PRELID2: variants seen among roughly 807,000 people sequenced by gnomAD.
PRELID2 encodes the protein PRELI domain-containing protein 2.
In PRELID2, 25 loss-of-function variants were observed where a neutral mutation model predicts 28.4. The ratio of observed to expected loss-of-function variants is 0.88; its 90% CI spans 0.64 to 1.23. The LOEUF is 1.23. Ranked by LOEUF, PRELID2 falls within the 50% of genes most tolerant of loss-of-function variation. The pLI is 0.00. For synonymous variants in PRELID2, 76 were observed against 71.6 expected (o/e 1.06, Z -0.31); for missense variants, 201 against 214.4 (o/e 0.94, Z 0.39).
At chr5:145,349,797 C>T in the PRELID2 span, among the ~76,000 whole-genome samples, 1 of 152,070 alleles carries the variant, frequency 6.6e-6, no homozygotes, top group Non-Finnish European at 1.5e-5. Context: ...AATCACAGGG[C>T]CATTAATGTA....
At chr5:145,614,361 T>C (rs955804914) in intron 1 of PRELID2, among the ~76,000 whole-genome samples, 1 of 152,186 alleles carries the variant, frequency 6.6e-6, no homozygotes, top group Non-Finnish European at 1.5e-5. Context: ...TGAAGAGTGA[T>C]GGTGGTATTT....
At chr5:145,559,745 C>T (rs923934145) in intron 1 of PRELID2, among the ~76,000 whole-genome samples, 5 of 151,560 alleles carry the variant, frequency 3.3e-5, no homozygotes, top group African/African-American at 1.2e-4. Flanking sequence ...TCTGCATCAC[C>T]AACCCCAAAA....
the PRELID2 span, among the ~76,000 whole-genome samples, chr5:145,279,806 T>A: frequency 1.3e-5 from 2 of 151,742 alleles, no homozygotes; most frequent in Non-Finnish European, 2.9e-5. Context: ...GATTTTTTTT[T>A]AATGGAACAA....
intron 1 of PRELID2, among the ~76,000 whole-genome samples, chr5:145,572,712 A>T (rs772189524): frequency 2.6e-5 from 4 of 152,160 alleles, no homozygotes; most frequent in Non-Finnish European, 4.4e-5. Flanking sequence ...GGAAGGATGC[A>T]GTCCATCCCT....
Position 145,758,770 on chromosome 5 carries a change from T to G in PRELID2, c.*1766A>C, listed in dbSNP as rs904472143. Among the ~76,000 whole-genome samples, 1 of 152,166 alleles carries G rather than the reference T, an allele frequency of 6.6e-6. No individual in the cohort carries two copies. Among genetic ancestry groups the G allele is most frequent in the African/African-American group, 2.4e-5 (1 of 41,446 alleles). Reference sequence around the variant, plus strand: ...GTGTGTTTTAGTTTCTACCATTATTTTTCCCTCCAACACAATTGAAGAATG... The same window carrying G: ...GTGTGTTTTAGTTTCTACCATTATTGTTCCCTCCAACACAATTGAAGAATG... On this transcript the variant is annotated 3_prime_UTR_variant, in exon 7 of 7. Coordinates refer to ENST00000683046, the MANE Select transcript of PRELID2 (RefSeq NM_205846.3).
intron 1 of PRELID2, among the ~76,000 whole-genome samples, chr5:145,639,331 A>C (rs1186313951): frequency 6.6e-6 from 1 of 152,186 alleles, no homozygotes; most frequent in Non-Finnish European, 1.5e-5. Context: ...CTAAGAAGAA[A>C]GAACACAGCT....
At chr5:145,555,532 A>G (rs1406718063) in intron 1 of PRELID2, among the ~76,000 whole-genome samples, 4 of 152,128 alleles carry the variant, frequency 2.6e-5, no homozygotes, top group Non-Finnish European at 5.9e-5. Flanking sequence ...TAACCCCTAG[A>G]TTTGGGGTAG....
At chr5:145,790,671 T>C (rs1030602542) in intron 5 of PRELID2, among the ~76,000 whole-genome samples, 2 of 148,958 alleles carry the variant, frequency 1.3e-5, no homozygotes, top group Admixed American at 6.7e-5. Context: ...GTGATAGATA[T>C]TTTAATAAGC....
chr5:145,467,586 T>C (rs538137343), downstream of PRELID2, among the ~76,000 whole-genome samples: 4 of 152,258 alleles, frequency 2.6e-5, no homozygotes, highest in South Asian at 4.1e-4. Context: ...CAAAGTACTT[T>C]ACATACATTT....
At chr5:145,712,443 T>C (rs1283931895) in intron 1 of PRELID2, among the ~76,000 whole-genome samples, 1 of 152,170 alleles carries the variant, frequency 6.6e-6, no homozygotes, top group African/African-American at 2.4e-5. Context: ...AATCAGCAAA[T>C]GCTGTAAGCC....
chr5:145,659,643 A>G (rs1349015891), intron 1 of PRELID2, among the ~76,000 whole-genome samples: 1 of 152,128 alleles, frequency 6.6e-6, no homozygotes, highest in Admixed American at 6.5e-5. Flanking sequence ...TCCTTCTTTG[A>G]ATTGCTTCCG....
intron 1 of PRELID2, among the ~76,000 whole-genome samples, chr5:145,553,266 C>G (rs1320985409): frequency 6.6e-6 from 1 of 150,400 alleles, no homozygotes; most frequent in Non-Finnish European, 1.5e-5. Flanking sequence ...TAAGCAGAAC[C>G]TTCAAGTACA....
intron 1 of PRELID2, among the ~76,000 whole-genome samples, chr5:145,826,866 A>G (rs1008463523): frequency 1.3e-5 from 2 of 152,228 alleles, no homozygotes; most frequent in Non-Finnish European, 2.9e-5. Flanking sequence ...GGAAAAAAAA[A>G]CCCATAAGCT....
At chr5:145,351,777 G>C in the PRELID2 span, among the ~76,000 whole-genome samples, 1 of 152,122 alleles carries the variant, frequency 6.6e-6, no homozygotes, top group African/African-American at 2.4e-5. Flanking sequence ...TTACTTCCTA[G>C]ATACAATACA....
chr5:145,340,445 A>T, the PRELID2 span, among the ~76,000 whole-genome samples: 6 of 152,126 alleles, frequency 3.9e-5, no homozygotes, highest in East Asian at 9.7e-4. Context: ...CATGACCAGC[A>T]CCCATGCAAG....
the PRELID2 span, among the ~76,000 whole-genome samples, chr5:145,297,098 T>C: frequency 6.6e-6 from 1 of 152,116 alleles, no homozygotes; most frequent in Admixed American, 6.6e-5. Context: ...ATTAGCCCTT[T>C]GTCAGATGAG....
At chr5:145,510,459 G>A (rs1752451574) in intron 1 of PRELID2, among the ~76,000 whole-genome samples, 1 of 152,198 alleles carries the variant, frequency 6.6e-6, no homozygotes, top group Admixed American at 6.5e-5. Flanking sequence ...AGAGGCCTCA[G>A]AGGGGGAGGC....
the PRELID2 span, among the ~76,000 whole-genome samples, chr5:145,292,066 T>A: frequency 6.6e-6 from 1 of 152,136 alleles, no homozygotes; most frequent in Non-Finnish European, 1.5e-5. Context: ...TTCCTCTAGA[T>A]CATTCATCAA....
chr5:145,238,967 A>ATCTATATCC, the PRELID2 span, among the ~76,000 whole-genome samples: 1 of 151,882 alleles, frequency 6.6e-6, no homozygotes, highest in Non-Finnish European at 1.5e-5. Context: ...ATCTGTCTCT[A>ATCTATATCC]TCTATCTATC....
Sources: gnomAD v4.1 joint callset for allele counts (sites outside exome capture counted in the v4.1 genomes callset) on GRCh38, gnomAD v4.1.1 for gene constraint, MANE v1.5 for transcripts, NCBI Gene and HGNC (gene_info 2026-07-23, HGNC 2026-07-21) for gene names.